ZYG11A: variants seen among roughly 807,000 people sequenced by gnomAD.
ZYG11A encodes the protein protein zyg-11 homolog A.
Under a neutral mutation model 77.2 loss-of-function variants are expected in ZYG11A, and 62 were observed. The ratio of observed to expected loss-of-function variants is 0.80; its 90% CI spans 0.65 to 0.99. The LOEUF (loss-of-function observed/expected upper bound fraction) is 0.99. Ranked by LOEUF, ZYG11A falls within the 50% of genes least tolerant of loss-of-function variation. The probability of loss-of-function intolerance (pLI) is 0.00; values close to 1 mark genes in which losing one functional copy is unlikely to be tolerated. For synonymous variants in ZYG11A, 315 were observed against 324.6 expected (o/e 0.97, Z 0.32); for missense variants, 828 against 896.8 (o/e 0.92, Z 0.98).
At position 52,867,751 on chromosome 1, in the gene ZYG11A, C is replaced by G. The variant is rs1482505456; in HGVS notation, c.1516C>G (p.Leu506Val). 6.4e-7 allele frequency: 1 copy of G among 1,551,440 alleles called. No homozygotes were observed. Among genetic ancestry groups the G allele is most frequent in the Non-Finnish European group, 8.7e-7 (1 of 1,146,964 alleles). The change falls in exon 8 of 14, where the codon CTT (leucine) becomes GTT (valine). Residue 506 changes from leucine (L) to valine (V), a missense_variant. Leu to Val is a conservative substitution (Grantham distance 32). Coordinates refer to ENST00000371528, the MANE Select transcript of ZYG11A (RefSeq NM_001004339.3). ...GCTCTCACCTGAGCAAACGGCACAG[C>G]TTGAAGAGCTTTTCATGGCAGTTAA... ...LQLSPEQTAQ[L>V]EELFMAVKEL...
intron 8 of ZYG11A, among the ~76,000 whole-genome samples, chr1:52,871,867 C>A (rs376160053): frequency 1.3e-5 from 2 of 152,290 alleles, no homozygotes; most frequent in African/African-American, 4.8e-5. Flanking sequence ...AAATTGACGT[C>A]CTGTAATTTC....
intron 1 of ZYG11A, among the ~76,000 whole-genome samples, chr1:52,846,514 G>A (rs1487221680): frequency 6.6e-6 from 1 of 151,000 alleles, no homozygotes; most frequent in South Asian, 2.1e-4. Context: ...CACCATTCCC[G>A]GCTAATTTTT....
In ZYG11A at chr1:52,842,873, C is replaced by T; in HGVS notation, c.-11C>T. The T allele has an allele frequency of 2.0e-6, 3 of 1,529,112 alleles. No homozygotes were observed. Among genetic ancestry groups the T allele is most frequent in the Admixed American group, 2.1e-5 (1 of 48,314 alleles). The allele number at this position is 1,529,112 out of a possible 1,614,324, so 94.7% of individuals were successfully genotyped here. The stretch of plus-strand genomic sequence containing the variant: ...CGGCTCTCTTTTTGACGCCCCGCCG[C>T]CGGGGTTGCCATGGTTCATTTCTTG... On this transcript the variant is annotated 5_prime_UTR_variant, in exon 1 of 14. Coordinates refer to ENST00000371528, the MANE Select transcript of ZYG11A (RefSeq NM_001004339.3).
intron 10 of ZYG11A, among the ~76,000 whole-genome samples, chr1:52,881,009 TATAAA>T (rs1243233137): frequency 6.6e-6 from 1 of 152,198 alleles, no homozygotes; most frequent in Non-Finnish European, 1.5e-5. Flanking sequence ...TAGTGTAACA[TATAAA>T]ATAAAATACT....
At chr1:52,866,959 ATTATT>A (rs1646038412) in intron 6 of ZYG11A, among the ~76,000 whole-genome samples, 1 of 152,168 alleles carries the variant, frequency 6.6e-6, no homozygotes. Flanking sequence ...TTATGTAATT[ATTATT>A]TTATTAGTAA....
intron 6 of ZYG11A, 43 bp downstream of exon 6, chr1:52,866,610 G>A (rs1336907471): frequency 8.0e-7 from 1 of 1,254,412 alleles, no homozygotes; most frequent in Non-Finnish European, 1.1e-6. Context: ...GTTGGCCTTT[G>A]GTTATTAAAT....
At chr1:52,891,799 C>T (rs532950841) in intron 13 of ZYG11A, among the ~76,000 whole-genome samples, 1 of 152,102 alleles carries the variant, frequency 6.6e-6, no homozygotes, top group South Asian at 2.1e-4. Context: ...GGTTAGCTTA[C>T]ACTAGCTGAA....
intron 8 of ZYG11A, among the ~76,000 whole-genome samples, chr1:52,876,519 G>A (rs546028760): frequency 6.6e-4 from 100 of 152,226 alleles, no homozygotes; most frequent in South Asian, 1.5e-3. Flanking sequence ...TGAAAAAATG[G>A]TATCTGTCAT....
intron 4 of ZYG11A, among the ~76,000 whole-genome samples, chr1:52,861,833 A>G (rs796729973): frequency 2.6e-5 from 4 of 152,126 alleles, no homozygotes; most frequent in African/African-American, 9.6e-5. Flanking sequence ...AGATGGGAGG[A>G]TTTCCTGGGG....
At chr1:52,858,547 C>T (rs1343594094) in intron 3 of ZYG11A, among the ~76,000 whole-genome samples, 3 of 150,902 alleles carry the variant, frequency 2.0e-5, no homozygotes, top group African/African-American at 7.3e-5. Context: ...TCAGGTGATC[C>T]GCCTGCCTCG....
intron 10 of ZYG11A, among the ~76,000 whole-genome samples, chr1:52,879,038 T>A (rs1646316494): frequency 6.6e-6 from 1 of 151,230 alleles, no homozygotes; most frequent in Non-Finnish European, 1.5e-5. Context: ...ATCACTTTAC[T>A]ATACTACTTC....
intron 11 of ZYG11A, among the ~76,000 whole-genome samples, chr1:52,884,797 C>A (rs1454774555): frequency 5.9e-5 from 9 of 152,136 alleles, no homozygotes; most frequent in African/African-American, 2.2e-4. Context: ...TGTTCCCACC[C>A]TGAATTGTTT....
At chr1:52,854,439 AGTTT>A (rs1446195143) in intron 1 of ZYG11A, 22 bp from the exon 2 acceptor site, 8 of 1,518,076 alleles carry the variant, frequency 5.3e-6, no homozygotes, top group African/African-American at 2.8e-5. Flanking sequence ...ATTCTAACAA[AGTTT>A]GTTTGGGGTT....
At chr1:52,856,507 C>T (rs1052637535) in intron 2 of ZYG11A, among the ~76,000 whole-genome samples, 3 of 150,938 alleles carry the variant, frequency 2.0e-5, no homozygotes, top group Non-Finnish European at 4.4e-5. Flanking sequence ...AATAGGACAA[C>T]CCATTCGTTT....
Position 52,857,287 on chromosome 1 carries a change from T to TAAAACTCA in ZYG11A, c.546_547insAAAACTCA (p.Leu183LysfsTer7), listed in dbSNP as rs1645831347. ...TACTGTTCTTTAGTCAGCTCACTGG[T>TAAAACTCA]CTTCGCATTTTAAGTGTTTTTAATG... On this transcript the variant is annotated frameshift_variant, in exon 3 of 14. Coordinates refer to ENST00000371528, the MANE Select transcript of ZYG11A (RefSeq NM_001004339.3). LOFTEE classifies it high-confidence loss of function. 3.2e-6 allele frequency: 5 copies of TAAAACTCA among 1,551,972 alleles called. No homozygotes were observed. The Admixed American group carries it at 7.8e-5, about 24-fold the overall frequency.
intron 1 of ZYG11A, among the ~76,000 whole-genome samples, chr1:52,851,597 A>C (rs1645712403): frequency 6.6e-6 from 1 of 151,516 alleles, no homozygotes; most frequent in Non-Finnish European, 1.5e-5. Context: ...ACAGGGTTTC[A>C]ACATGTTGGC....
intron 3 of ZYG11A, among the ~76,000 whole-genome samples, chr1:52,858,717 A>G (rs927249502): frequency 1.7e-4 from 26 of 151,674 alleles, no homozygotes; most frequent in African/African-American, 6.0e-4. Context: ...GGTTCAAGCG[A>G]TTCTCCTGCC....
intron 4 of ZYG11A, 69 bp from the exon 5 acceptor site, chr1:52,863,912 A>G: frequency 1.4e-6 from 2 of 1,397,024 alleles, no homozygotes; most frequent in Non-Finnish European, 1.9e-6. Context: ...TGTGCCAATC[A>G]AAACATGCAC....
At chr1:52,892,153 C>A (rs1646555208) in intron 13 of ZYG11A, among the ~76,000 whole-genome samples, 1 of 148,558 alleles carries the variant, frequency 6.7e-6, no homozygotes, top group African/African-American at 2.5e-5. Context: ...CCCGCCTCGG[C>A]CTCCCAAAGT....
Sources: allele counts gnomAD v4.1 joint callset (sites outside exome capture counted in the v4.1 genomes callset), GRCh38; gene constraint gnomAD v4.1.1; transcripts MANE v1.5; gene names NCBI Gene and HGNC (gene_info 2026-07-23, HGNC 2026-07-21).